Variants in ZNF26 observed in about 807,000 individuals in gnomAD.
ZNF26 encodes zinc finger protein 26, also known as epididymis luminal protein 179.
Under a neutral mutation model 54.9 loss-of-function variants are expected in ZNF26, and 32 were observed. That is an observed-to-expected ratio of 0.58 (90% CI 0.44 to 0.78). The LOEUF is 0.78. ZNF26 is among the 30% of genes least tolerant of loss of function. The pLI is 0.00. For synonymous variants in ZNF26, 221 were observed against 209.2 expected (o/e 1.06, Z -0.49); for missense variants, 524 against 634.0 (o/e 0.83, Z 1.86).
chr12:133,000,757 C>G (rs1373253082), intron 1 of ZNF26, among the ~76,000 whole-genome samples: 3 of 152,154 alleles, frequency 2.0e-5, no homozygotes, highest in East Asian at 3.9e-4. Flanking sequence ...TAGGGTTTCA[C>G]TATGTTGGCC....
rs1953216686 is a variant in ZNF26 at position 133,001,414 on chromosome 12, G to A, written c.34-5628G>A. On this transcript the variant is annotated intron_variant, in intron 1 of 3. Coordinates refer to ENST00000328654, the MANE Select transcript of ZNF26 (RefSeq NM_019591.4). This position sits in a 1 kb window ranked among gnomAD's most constrained non-coding sequence, Gnocchi z 4.7. The stretch of plus-strand genomic sequence containing the variant: ...TCCGACGGGGGCTCCTTCTGGGTTG[G>A]GGTGGGAAAATCAGTGGTTAGAGAA... 6.6e-6 allele frequency among the ~76,000 whole-genome samples: 1 copy of A among 152,168 alleles called. No individual in the cohort carries two copies. Among genetic ancestry groups the A allele is most frequent in the Non-Finnish European group, 1.5e-5 (1 of 68,040 alleles).
At chr12:133,007,403 C>G (rs1953355025) in intron 2 of ZNF26, 34 bp from the exon 3 acceptor site, 5 of 1,571,674 alleles carry the variant, frequency 3.2e-6, no homozygotes, top group Non-Finnish European at 4.4e-6. Context: ...CCCTAACAGC[C>G]TGGTCCCCAC....
In ZNF26 at chr12:133,006,259, T is replaced by C. The variant is rs974997428; in HGVS notation, c.34-783T>C. The C allele has an allele frequency of 1.8e-5, 18 of 985,342 alleles. No individual in the cohort carries two copies. In the African/African-American group the frequency reaches 3.0e-4, roughly 16 times the overall value. 61.0% of individuals were successfully genotyped at this position (985,342 alleles called of 1,614,324 possible). ...CCCAGACCAATTGCCTTCAGACTCC[T>C]GCAAGTAGAAGGATAAACTCTCTTG... On this transcript the variant is annotated intron_variant, in intron 1 of 3. Transcript: ENST00000328654.
chr12:133,003,543 G>A (rs1372361359), intron 1 of ZNF26, among the ~76,000 whole-genome samples: 3 of 152,046 alleles, frequency 2.0e-5, no homozygotes, highest in East Asian at 3.9e-4. Context: ...ATGAGCCACC[G>A]CCCCTGGCCT....
At chr12:133,006,395 C>T (rs1256366505) in intron 1 of ZNF26, 2 of 653,264 alleles carry the variant, frequency 3.1e-6, no homozygotes, top group Admixed American at 6.3e-5. Flanking sequence ...GAGTGGCTCT[C>T]TTCATTTCTG....
rs1953714230 is a variant in ZNF26 at position 133,027,025 on chromosome 12, T to G, written c.*15544T>G. 6.6e-6 allele frequency: 1 copy of G among 152,136 alleles called. No homozygotes were observed. Among genetic ancestry groups the G allele is most frequent in the Non-Finnish European group, 1.5e-5 (1 of 68,036 alleles). 9.4% of individuals were successfully genotyped at this position (152,136 alleles called of 1,614,324 possible). A position where few individuals can be genotyped will look rare whatever the true frequency, so the allele number is the denominator to read the frequency against. ...ACTCAGAATAAAATGCAACACCTTTTTACGATTATAAACCCCTCAGCAAAC... is the reference window on the plus strand; with the variant it reads ...ACTCAGAATAAAATGCAACACCTTTGTACGATTATAAACCCCTCAGCAAAC... On this transcript the variant is annotated 3_prime_UTR_variant, in exon 4 of 4. Coordinates refer to ENST00000328654, the MANE Select transcript of ZNF26 (RefSeq NM_019591.4).
chr12:133,010,716 T>G lies in ZNF26; in HGVS notation c.837T>G (p.Ser279Arg). ...WKSQLLLHQR[S>R]HTGVKPYECS... ...CACAGCTTCTTTTACACCAGAGAAG[T>G]CACACAGGAGTGAAACCGTATGAAT... is the stretch of plus-strand genomic sequence containing the variant. Residue 279 changes from serine to arginine, a missense_variant, in exon 4 of 4, where the codon AGT becomes AGG. Coordinates refer to ENST00000328654, the MANE Select transcript of ZNF26 (RefSeq NM_019591.4). 6.2e-7 allele frequency: 1 copy of G among 1,613,440 alleles called. No individual in the cohort carries two copies. Among genetic ancestry groups the G allele is most frequent in the Non-Finnish European group, 8.5e-7 (1 of 1,179,668 alleles).
rs1475260232 is a variant in ZNF26, at chr12:133,024,425, C to T, written c.*12944C>T. ...AAATAGAAGATGTACCTCATGACCT[C>T]AGTGATAGAGCTAAGTGTTTTCTAG... On this transcript the variant is annotated 3_prime_UTR_variant, in exon 4 of 4. Coordinates refer to ENST00000328654, the MANE Select transcript of ZNF26 (RefSeq NM_019591.4). 6.6e-6 allele frequency: 1 copy of T among 152,164 alleles called. No individual in the cohort carries two copies. The highest frequency in any genetic ancestry group is 1.5e-5 in the Non-Finnish European group (1 of 68,032). 9.4% of individuals were successfully genotyped at this position (152,164 alleles called of 1,614,324 possible).
In ZNF26 at chr12:133,014,763, C is replaced by G. The variant is rs1953544062; in HGVS notation, c.*3282C>G. The stretch of plus-strand genomic sequence containing the variant: ...GTTTCACCACGTTGGCCAGGCTGGT[C>G]TTGAATTCCTGACCTCAGGTAATCC... On this transcript the variant is annotated 3_prime_UTR_variant, in exon 4 of 4. Transcript: ENST00000328654. 1 of 151,942 alleles carries G rather than the reference C, an allele frequency of 6.6e-6. No homozygotes were observed. The highest frequency in any genetic ancestry group is 2.1e-4 in the South Asian group (1 of 4,816). The allele number at this position is 151,942 out of a possible 1,614,324, so 9.4% of individuals were successfully genotyped here.
chr12:133,001,846 C>T lies in ZNF26; in HGVS notation c.34-5196C>T. On this transcript the variant is annotated intron_variant, in intron 1 of 3. Transcript: ENST00000328654. The surrounding 1 kb of genome is among the most constrained non-coding windows in gnomAD (Gnocchi z 4.7). ...GCCTTCAGAATTTTTCAGAGGAAAG[C>T]AGTTATTCGATCCTTGTTTACTTAA... 2.2e-6 allele frequency: 1 copy of T among 452,696 alleles called. No individual in the cohort carries two copies. Among genetic ancestry groups the T allele is most frequent in the Non-Finnish European group, 4.0e-6 (1 of 252,728 alleles). 28.0% of individuals were successfully genotyped at this position (452,696 alleles called of 1,614,324 possible).
rs746358401 is a variant in ZNF26, at chr12:133,009,104, G to A, written c.257-1032G>A. 2.0e-3 allele frequency among the ~76,000 whole-genome samples: 301 copies of A among 152,280 alleles called. 3 individuals carry two copies. The highest frequency in any genetic ancestry group is 1.5e-3 in the East Asian group (8 of 5,176). ...CACCTCCCACCAGGCCCCACCTCCAGCACTAGAGATTCTAATTCAACATGA... is the reference window on the plus strand; with the variant it reads ...CACCTCCCACCAGGCCCCACCTCCAACACTAGAGATTCTAATTCAACATGA... On this transcript the variant is annotated intron_variant, in intron 3 of 3. Transcript: ENST00000328654.
At chr12:133,002,010 C>T (rs1953228637) in intron 1 of ZNF26, among the ~76,000 whole-genome samples, 1 of 152,080 alleles carries the variant, frequency 6.6e-6, no homozygotes, top group Admixed American at 6.6e-5. Context: ...GGATGGATAC[C>T]CGCTTCCCTT....
intron 1 of ZNF26, among the ~76,000 whole-genome samples, chr12:133,000,517 A>C (rs1037711416): frequency 2.9e-5 from 4 of 135,878 alleles, no homozygotes; most frequent in Non-Finnish European, 3.1e-5. Flanking sequence ...CTCCGCCTCC[A>C]GGGTTCACGC....
chr12:132,991,119 A>G (rs1177879689), intron 1 of ZNF26, among the ~76,000 whole-genome samples: 1 of 151,422 alleles, frequency 6.6e-6, no homozygotes, highest in Non-Finnish European at 1.5e-5. Context: ...TCAGCCTCCC[A>G]AAGTGCTGGG....
At position 133,016,474 on chromosome 12, in the gene ZNF26, G is replaced by A. The variant is rs1410900444; in HGVS notation, c.*4993G>A. 3 of 150,044 alleles carry A rather than the reference G, an allele frequency of 2.0e-5. No individual in the cohort carries two copies. The highest frequency in any genetic ancestry group is 7.4e-5 in the African/African-American group (3 of 40,712). The allele number at this position is 150,044 out of a possible 1,614,324, so 9.3% of individuals were successfully genotyped here. A position where few individuals can be genotyped will look rare whatever the true frequency, so the allele number is the denominator to read the frequency against. On this transcript the variant is annotated 3_prime_UTR_variant, in exon 4 of 4. Transcript: ENST00000328654. ...AAAGGAAAATAACAGCTCACTTTGG[G>A]GCCAAAGTCTAAAATTTAAAATCAG... is the stretch of plus-strand genomic sequence containing the variant.
chr12:133,000,715 T>C (rs996232402), intron 1 of ZNF26, among the ~76,000 whole-genome samples: 5 of 152,026 alleles, frequency 3.3e-5, no homozygotes, highest in East Asian at 1.9e-4. Flanking sequence ...TGAGCCACTG[T>C]GCCCGGCCTA....
intron 3 of ZNF26, among the ~76,000 whole-genome samples, chr12:133,007,750 A>T (rs1354897524): frequency 1.3e-5 from 2 of 152,198 alleles, no homozygotes; most frequent in African/African-American, 4.8e-5. Flanking sequence ...AGAGGCAGGC[A>T]TGCCCCTCTT....
In ZNF26 at chr12:133,015,469, G is replaced by C. The variant is rs1483144714; in HGVS notation, c.*3988G>C. On this transcript the variant is annotated 3_prime_UTR_variant, in exon 4 of 4. Coordinates refer to ENST00000328654, the MANE Select transcript of ZNF26 (RefSeq NM_019591.4). ...TTGCATCGGCCTCAATTATCAACTT[G>C]TGGCAAAAGAATAAGAAAGAGAACT... The C allele has an allele frequency of 4.6e-5, 7 of 151,120 alleles. No homozygotes were observed. Among genetic ancestry groups the C allele is most frequent in the African/African-American group, 1.7e-4 (7 of 41,064 alleles). The allele number at this position is 151,120 out of a possible 1,614,324, so 9.4% of individuals were successfully genotyped here. A position where few individuals can be genotyped will look rare whatever the true frequency, so the allele number is the denominator to read the frequency against.
rs985952075 is a variant in ZNF26 at position 133,013,626 on chromosome 12, G to C, written c.*2145G>C. 1 of 163,066 alleles carries C rather than the reference G, an allele frequency of 6.1e-6. No homozygotes were observed. The highest frequency in any genetic ancestry group is 1.4e-5 in the Non-Finnish European group (1 of 72,800). 10.1% of individuals were successfully genotyped at this position (163,066 alleles called of 1,614,324 possible). ...AGGACTCAGCCTAGCAAACTCTTCT[G>C]ATAGACTTTGAATAGGAGTATCTGG... On this transcript the variant is annotated 3_prime_UTR_variant, in exon 4 of 4. Transcript: ENST00000328654.
Sources: gnomAD v4.1 joint callset for allele counts (sites outside exome capture counted in the v4.1 genomes callset) on GRCh38, gnomAD v4.1.1 for gene constraint, Gnocchi (gnomAD v3.1) non-coding constraint, MANE v1.5 for transcripts, NCBI Gene and HGNC (gene_info 2026-07-23, HGNC 2026-07-21) for gene names.